CNNM2: variants seen among roughly 807,000 people sequenced by gnomAD.
The protein encoded by CNNM2 is cyclin and CBS domain divalent metal cation transport mediator 2.
A neutral mutation model predicts 66.9 loss-of-function variants in CNNM2; 12 were observed. That is an observed-to-expected ratio of 0.18 (90% CI 0.11 to 0.29). The LOEUF (loss-of-function observed/expected upper bound fraction) is 0.29, where lower values mean the gene tolerates loss of function less well. Among genes scored for constraint, CNNM2 ranks in the 10% least tolerant of loss-of-function variants. The pLI is 1.00. For synonymous variants in CNNM2, 557 were observed against 501.8 expected, an observed-to-expected ratio of 1.11 and a Z score of -1.47; for missense variants, 705 against 1,167.7, an observed-to-expected ratio of 0.60 and a Z score of 5.77.
At position 103,013,505 on chromosome 10, in the gene CNNM2, G is replaced by A. The variant is rs544956662; in HGVS notation, c.1622-36202G>A. On this transcript the variant is annotated intron_variant, in intron 1 of 7. Coordinates refer to ENST00000369878, the MANE Select transcript of CNNM2 (RefSeq NM_017649.5). ...TTAAAGCATTTTGCTTTAAAAGGTC[G>A]TTAGTAGAAGGCAGGCTGAGTGCTG... Among the ~76,000 whole-genome samples, 15 of 152,242 alleles carry A rather than the reference G, an allele frequency of 9.9e-5. No homozygotes were observed. In the South Asian group the frequency reaches 2.3e-3, roughly 23 times the overall value.
chr10:102,920,042 C>T lies in CNNM2; in HGVS notation c.1562C>T (p.Pro521Leu). Residue 521 changes from proline to leucine, a missense_variant, in exon 1 of 8, where the codon CCC (proline) becomes CTC (leucine). By Grantham distance (98) the Pro-to-Leu change is moderately conservative (BLOSUM62 -3). Transcript: ENST00000369878. ...LKTITKFYNH[P>L]LHFVFNDTKL... Reference sequence around the variant, plus strand: ...ACCATCACCAAATTTTATAACCACCCCTTGCACTTTGTTTTCAATGACACC... The same window carrying T: ...ACCATCACCAAATTTTATAACCACCTCTTGCACTTTGTTTTCAATGACACC... 1 of 1,614,208 alleles carries T rather than the reference C, an allele frequency of 6.2e-7. No individual in the cohort carries two copies. Among genetic ancestry groups the T allele is most frequent in the Non-Finnish European group, 8.5e-7 (1 of 1,180,038 alleles).
At chr10:102,927,591 CG>C in intron 1 of CNNM2, 1 of 775,372 alleles carries the variant, frequency 1.3e-6, no homozygotes, top group Non-Finnish European at 1.9e-6. Flanking sequence ...GGTGAAACCC[CG>C]TTTCTAATAA....
chr10:102,966,916 A>G lies in CNNM2; in HGVS notation c.1621+46815A>G, dbSNP rs1556960. Among the ~76,000 whole-genome samples, 47,410 of 151,696 alleles carry G rather than the reference A, an allele frequency of 0.31. 7,520 individuals carry two copies. Among genetic ancestry groups the G allele is most frequent in the Middle Eastern group, 0.37 (109 of 294 alleles). The stretch of plus-strand genomic sequence containing the variant: ...ATAAATGAAGTTTCTAGGAGGAGGT[A>G]CTTAATTAAGGCACAGAATCATGGA... On this transcript the variant is annotated intron_variant, in intron 1 of 7. Coordinates refer to ENST00000369878, the MANE Select transcript of CNNM2 (RefSeq NM_017649.5).
Position 103,054,209 on chromosome 10 carries a change from C to T in CNNM2, c.1766-120C>T, listed in dbSNP as rs1000049282. Reference sequence around the variant, plus strand: ...TTCCCCGTGGCATCTGTGCATAGAGCGCCTGCATCTGGAAATACAGTCCAG... The same window carrying T: ...TTCCCCGTGGCATCTGTGCATAGAGTGCCTGCATCTGGAAATACAGTCCAG... On this transcript the variant is annotated intron_variant, in intron 2 of 7. Transcript: ENST00000369878. The surrounding 1 kb of genome is among the most constrained non-coding windows in gnomAD (Gnocchi z 5.2). 1.2e-5 allele frequency: 14 copies of T among 1,122,616 alleles called. No homozygotes were observed. Among genetic ancestry groups the T allele is most frequent in the African/African-American group, 7.8e-5 (5 of 63,704 alleles). 69.5% of individuals were successfully genotyped at this position (1,122,616 alleles called of 1,614,324 possible).
At chr10:102,949,978 A>G (rs1846767679) in intron 1 of CNNM2, among the ~76,000 whole-genome samples, 1 of 152,190 alleles carries the variant, frequency 6.6e-6, no homozygotes, top group Admixed American at 6.5e-5. Context: ...GCACTCTATT[A>G]GTTATAAAAG....
At chr10:103,063,267 G>A (rs1038097294) in intron 4 of CNNM2, among the ~76,000 whole-genome samples, 2 of 152,210 alleles carry the variant, frequency 1.3e-5, no homozygotes, top group Non-Finnish European at 2.9e-5. Context: ...CAGGCTTTGA[G>A]TGGGCATCTT....
intron 5 of CNNM2, among the ~76,000 whole-genome samples, chr10:103,069,349 C>T (rs922927382): frequency 6.6e-6 from 1 of 152,026 alleles, no homozygotes; most frequent in Admixed American, 6.6e-5. Context: ...ACTGGCGCTA[C>T]GTGTCAGAGG....
chr10:102,938,619 C>CAAAAAAAAAAAAAAAAAA (rs10596673), intron 1 of CNNM2, among the ~76,000 whole-genome samples: 1 of 63,674 alleles, frequency 1.6e-5, no homozygotes, highest in Non-Finnish European at 2.7e-5. Context: ...GACCCTGTCT[C>CAAAAAAAAAAAAAAAAAA]AAAAAAAAAA....
chr10:102,921,088 T>A, intron 1 of CNNM2: 9 of 969,174 alleles, frequency 9.3e-6, no homozygotes, highest in Non-Finnish European at 1.1e-5. Context: ...ATCATTTATA[T>A]TTGTTCGTTT....
At chr10:102,977,529 TTG>T (rs2063654450) in intron 1 of CNNM2, among the ~76,000 whole-genome samples, 2 of 152,162 alleles carry the variant, frequency 1.3e-5, no homozygotes. Context: ...TTTTTAAAAA[TTG>T]TGTTATTGGC....
At chr10:103,076,410 C>T (rs1689482619) in intron 7 of CNNM2, 140 bp downstream of exon 7, 1 of 789,730 alleles carries the variant, frequency 1.3e-6, no homozygotes. Context: ...TTCTCAACTA[C>T]ACACCCTGTC....
At chr10:103,039,991 AC>A (rs1311105688) in intron 1 of CNNM2, among the ~76,000 whole-genome samples, 3 of 152,034 alleles carry the variant, frequency 2.0e-5, no homozygotes, top group African/African-American at 4.8e-5. Flanking sequence ...ACATGGTGAA[AC>A]CCTGTCTCTA....
In CNNM2 at chr10:103,088,259, T is replaced by C. The variant is rs1043035022; in HGVS notation, c.*11079T>C. ...ATATACAATGGTTAAAGAAAGAGTC[T>C]ATAACCACTGTTTGTTTAAAATGTT... On this transcript the variant is annotated 3_prime_UTR_variant, in exon 8 of 8. Coordinates refer to ENST00000369878, the MANE Select transcript of CNNM2 (RefSeq NM_017649.5). The C allele has an allele frequency of 2.6e-5, 4 of 152,264 alleles. No individual in the cohort carries two copies. Among genetic ancestry groups the C allele is most frequent in the Non-Finnish European group, 4.4e-5 (3 of 68,048 alleles). The allele number at this position is 152,264 out of a possible 1,614,324, so 9.4% of individuals were successfully genotyped here.
chr10:103,073,361 A>G (rs1307514303), intron 6 of CNNM2, among the ~76,000 whole-genome samples: 1 of 152,244 alleles, frequency 6.6e-6, no homozygotes, highest in Admixed American at 6.5e-5. Context: ...TTTTGTTTTT[A>G]TAGCCTTCAA....
At chr10:102,929,230 G>A (rs1845981337) in intron 1 of CNNM2, among the ~76,000 whole-genome samples, 4 of 151,930 alleles carry the variant, frequency 2.6e-5, no homozygotes, top group Admixed American at 2.6e-4. Context: ...ACTGTACTCC[G>A]CCTGTGCGAC....
chr10:103,045,379 A>G (rs946455499), intron 1 of CNNM2, among the ~76,000 whole-genome samples: 1 of 152,120 alleles, frequency 6.6e-6, no homozygotes, highest in Non-Finnish European at 1.5e-5. Flanking sequence ...AGCTGCCTAG[A>G]AGGGGGTCTG....
At chr10:102,968,081 C>CTT (rs555856196) in intron 1 of CNNM2, among the ~76,000 whole-genome samples, 35 of 151,774 alleles carry the variant, frequency 2.3e-4, no homozygotes, top group Non-Finnish European at 4.1e-4. Flanking sequence ...TGTGGAGATA[C>CTT]TTAAGAGTGA....
Position 103,087,353 on chromosome 10 carries a change from A to T in CNNM2, c.*10173A>T, listed in dbSNP as rs1275278577. ...CACCATTTTGCTCTGGGTCTTATGG[A>T]ATCCTAGAGCTCTTGAATACGTTTT... On this transcript the variant is annotated 3_prime_UTR_variant, in exon 8 of 8. Coordinates refer to ENST00000369878, the MANE Select transcript of CNNM2 (RefSeq NM_017649.5). 1 of 151,908 alleles carries T rather than the reference A, an allele frequency of 6.6e-6. No homozygotes were observed. Among genetic ancestry groups the T allele is most frequent in the Non-Finnish European group, 1.5e-5 (1 of 67,994 alleles). The allele number at this position is 151,908 out of a possible 1,614,324, so 9.4% of individuals were successfully genotyped here.
intron 2 of CNNM2, among the ~76,000 whole-genome samples, chr10:103,050,279 C>T (rs144573631): frequency 6.6e-6 from 1 of 152,052 alleles, no homozygotes; most frequent in Non-Finnish European, 1.5e-5. Flanking sequence ...CGTGTGTAAT[C>T]CCAGCACTTT....
Sources: gnomAD v4.1 joint callset for allele counts (sites outside exome capture counted in the v4.1 genomes callset) on GRCh38, gnomAD v4.1.1 for gene constraint, Gnocchi (gnomAD v3.1) non-coding constraint, MANE v1.5 for transcripts, NCBI Gene and HGNC (gene_info 2026-07-23, HGNC 2026-07-21) for gene names.